ME2: variants seen among roughly 807,000 people sequenced by gnomAD.
The protein encoded by ME2 is NAD-dependent malic enzyme, mitochondrial.
ME2 carries 60 observed loss-of-function variants against 73.7 expected under a neutral mutation model. That is an observed-to-expected ratio of 0.81 (90% CI 0.66 to 1.01). The LOEUF is 1.01. Ranked by LOEUF, ME2 falls within the 50% of genes least tolerant of loss-of-function variation. The pLI is 0.00. For missense variants in ME2, 594 were observed against 705.5 expected (o/e 0.84, Z 1.79); for synonymous variants, 199 against 236.9 (o/e 0.84, Z 1.47).
At chr18:50,917,219 G>A (rs748284832) in intron 5 of ME2, 128 bp from the exon 6 acceptor site, 22 of 693,748 alleles carry the variant, frequency 3.2e-5, no homozygotes, top group Non-Finnish European at 4.6e-5. Flanking sequence ...TTGGAAATTA[G>A]CCAAGAAACA....
chr18:50,932,153 A>G (rs770618716), intron 12 of ME2, 105 bp from the exon 13 acceptor site: 1 of 829,188 alleles, frequency 1.2e-6, no homozygotes. Context: ...CTTCCAAGTA[A>G]TATATTGGTC....
intron 15 of ME2, among the ~76,000 whole-genome samples, chr18:50,944,884 G>T (rs1052686552): frequency 1.3e-5 from 2 of 151,818 alleles, no homozygotes; most frequent in Non-Finnish European, 2.9e-5. Context: ...CTGCTCACTG[G>T]CTTCAGAACA....
At chr18:50,939,673 G>A (rs776079366) in intron 14 of ME2, 33 bp downstream of exon 14, 4 of 1,424,262 alleles carry the variant, frequency 2.8e-6, no homozygotes, top group South Asian at 2.3e-5. Flanking sequence ...ATTTTATAAA[G>A]GATGAATTAT....
intron 1 of ME2, among the ~76,000 whole-genome samples, chr18:50,889,574 A>C (rs989659424): frequency 2.6e-5 from 4 of 152,250 alleles, no homozygotes; most frequent in African/African-American, 9.6e-5. Flanking sequence ...GTGGATAAGA[A>C]GACTTAAAAA....
chr18:50,880,382 T>C (rs1916289428), intron 1 of ME2, among the ~76,000 whole-genome samples: 1 of 152,222 alleles, frequency 6.6e-6, no homozygotes. Context: ...ACGTGTATAC[T>C]CCTTAAGCAT....
chr18:50,920,829 G>C (rs1382036407), intron 9 of ME2, 71 bp downstream of exon 9: 1 of 1,200,730 alleles, frequency 8.3e-7, no homozygotes, highest in African/African-American at 1.5e-5. Flanking sequence ...GCAGAATATT[G>C]ATGTTTATGA....
intron 3 of ME2, 84 bp from the exon 4 acceptor site, chr18:50,912,717 G>C: frequency 1.8e-6 from 2 of 1,127,816 alleles, no homozygotes; most frequent in Non-Finnish European, 2.3e-6. Context: ...TTCAATTTTA[G>C]ACATTTAGGT....
chr18:50,941,349 G>A (rs1420217754), intron 15 of ME2, among the ~76,000 whole-genome samples: 2 of 105,320 alleles, frequency 1.9e-5, no homozygotes, highest in Admixed American at 2.3e-4. Context: ...ATTTGTGATG[G>A]TTTCTTTTTT....
intron 15 of ME2, among the ~76,000 whole-genome samples, chr18:50,945,717 G>A (rs921065765): frequency 2.0e-5 from 3 of 152,074 alleles, no homozygotes; most frequent in Non-Finnish European, 2.9e-5. Context: ...GGAGGAGAGC[G>A]ACATCTTATA....
At chr18:50,905,395 C>G (rs925944191) in intron 2 of ME2, among the ~76,000 whole-genome samples, 3 of 152,050 alleles carry the variant, frequency 2.0e-5, no homozygotes, top group Non-Finnish European at 2.9e-5. Flanking sequence ...CTGTTGAACC[C>G]CTCTGGTAAA....
intron 1 of ME2, among the ~76,000 whole-genome samples, chr18:50,893,254 T>A (rs1339691797): frequency 6.6e-6 from 1 of 152,054 alleles, no homozygotes; most frequent in African/African-American, 2.4e-5. Context: ...TTTTATGGTA[T>A]TTTGAACTTA....
rs1165771352 is a variant in ME2, at chr18:50,947,854, G to A, written c.*670G>A. 6.6e-6 allele frequency: 1 copy of A among 152,108 alleles called. No individual in the cohort carries two copies. Among genetic ancestry groups the A allele is most frequent in the Non-Finnish European group, 1.5e-5 (1 of 68,008 alleles). 9.4% of individuals were successfully genotyped at this position (152,108 alleles called of 1,614,324 possible). A position where few individuals can be genotyped will look rare whatever the true frequency, so the allele number is the denominator to read the frequency against. On this transcript the variant is annotated 3_prime_UTR_variant, in exon 16 of 16. Transcript: ENST00000321341. ...TTTTCAACAGTGTATAAAAATCATA[G>A]TGTAACCTTTTTATTTAATAAATAT...
intron 15 of ME2, among the ~76,000 whole-genome samples, chr18:50,945,545 A>T (rs1389122398): frequency 6.6e-6 from 1 of 152,240 alleles, no homozygotes; most frequent in Non-Finnish European, 1.5e-5. Flanking sequence ...TCTATAATAG[A>T]ACAGAAAACA....
intron 2 of ME2, among the ~76,000 whole-genome samples, chr18:50,905,117 G>T (rs1916989024): frequency 6.6e-6 from 1 of 152,044 alleles, no homozygotes; most frequent in African/African-American, 2.4e-5. Flanking sequence ...CTCTCGAGTA[G>T]CTGGGACTAC....
intron 4 of ME2, chr18:50,913,216 C>G (rs1042253982): frequency 1.3e-5 from 3 of 239,150 alleles, no homozygotes; most frequent in African/African-American, 6.7e-5. Context: ...GGAACCTGCT[C>G]CCCCACCAAA....
intron 15 of ME2, among the ~76,000 whole-genome samples, chr18:50,941,324 T>C (rs559240510): frequency 4.1e-5 from 6 of 146,602 alleles, no homozygotes; most frequent in African/African-American, 1.5e-4. Context: ...TCTTTACAGA[T>C]AAATCTTTGT....
chr18:50,917,836 G>C (rs994616574), intron 6 of ME2, among the ~76,000 whole-genome samples: 4 of 151,954 alleles, frequency 2.6e-5, no homozygotes, highest in African/African-American at 7.3e-5. Flanking sequence ...TTAGCTGGGC[G>C]TGGTGGCACA....
chr18:50,922,429 C>T (rs1917450714), intron 10 of ME2, among the ~76,000 whole-genome samples: 1 of 152,204 alleles, frequency 6.6e-6, no homozygotes, highest in African/African-American at 2.4e-5. Flanking sequence ...TTAAACTGTG[C>T]TGCCTCCCAA....
chr18:50,906,865 T>C (rs528902701), intron 2 of ME2, among the ~76,000 whole-genome samples: 16 of 152,304 alleles, frequency 1.1e-4, no homozygotes, highest in Admixed American at 9.8e-4. Context: ...AGGTGTGAGC[T>C]AGGATCTTTT....
Sources: allele counts gnomAD v4.1 joint callset (sites outside exome capture counted in the v4.1 genomes callset), GRCh38; gene constraint gnomAD v4.1.1; transcripts MANE v1.5; gene names NCBI Gene and HGNC (gene_info 2026-07-23, HGNC 2026-07-21).